The following GYS2 variants were observed in gnomAD, a reference collection of about 807,000 sequenced individuals.
The protein encoded by GYS2 is glycogen synthase 2.
In GYS2, 80 loss-of-function variants were observed where a neutral mutation model predicts 85.6. The ratio of observed to expected loss-of-function variants is 0.93; its 90% CI spans 0.78 to 1.13. The LOEUF is 1.13. Among genes scored for constraint, GYS2 ranks in the 50% most tolerant of loss-of-function variants. GYS2 has a pLI of 0.00. For synonymous variants in GYS2, 328 were observed against 300.7 expected, an observed-to-expected ratio of 1.09 and a Z score of -0.94; for missense variants, 881 against 854.9, an observed-to-expected ratio of 1.03 and a Z score of -0.38.
At chr12:21,568,775 T>C in intron 5 of GYS2, 90 bp downstream of exon 5, 1 of 1,164,014 alleles carries the variant, frequency 8.6e-7, no homozygotes, top group Non-Finnish European at 1.3e-6. Context: ...CAATTTTTCC[T>C]CAAACTACTA....
intron 4 of GYS2, among the ~76,000 whole-genome samples, chr12:21,571,211 T>G (rs1944381164): frequency 1.3e-5 from 2 of 152,254 alleles, no homozygotes; most frequent in Admixed American, 6.5e-5. Flanking sequence ...CTTTCCCTCC[T>G]CCCATGGGGC....
chr12:21,559,820 AAATTACAG>A, intron 8 of GYS2, 110 bp from the exon 9 acceptor site: 1 of 337,780 alleles, frequency 3.0e-6, no homozygotes, highest in Non-Finnish European at 5.3e-6. Flanking sequence ...ACATTCTTTG[AAATTACAG>A]GTATCTTTTT....
chr12:21,600,579 C>T (rs929578810), intron 1 of GYS2, among the ~76,000 whole-genome samples: 1 of 152,000 alleles, frequency 6.6e-6, no homozygotes, highest in Non-Finnish European at 1.5e-5. Flanking sequence ...TCTGTGTTAA[C>T]AAAAAACAGC....
At position 21,604,664 on chromosome 12, in the gene GYS2, T is replaced by TA; in HGVS notation, c.-73dup. On this transcript the variant is annotated 5_prime_UTR_variant, in exon 1 of 16. It introduces an in-frame stop codon into an upstream open reading frame of the 5' UTR. Transcript: ENST00000261195. ...GTTGTAATCCCAGGAGAAGAGAACTTACAGGCACAAAAGTTAGAGTTGGTA... is the reference window on the plus strand; with the variant it reads ...GTTGTAATCCCAGGAGAAGAGAACTTAACAGGCACAAAAGTTAGAGTTGGTA... The TA allele has an allele frequency of 6.2e-7, 1 of 1,604,482 alleles. No homozygotes were observed. Among genetic ancestry groups the TA allele is most frequent in the Non-Finnish European group, 8.5e-7 (1 of 1,173,918 alleles).
chr12:21,559,746 A>G (rs1439871353), intron 8 of GYS2, 36 bp from the exon 9 acceptor site: 3 of 1,246,736 alleles, frequency 2.4e-6, no homozygotes, highest in Non-Finnish European at 2.4e-6. Flanking sequence ...TTTAAACAGT[A>G]TGACAATGTT....
intron 1 of GYS2, among the ~76,000 whole-genome samples, chr12:21,599,721 A>G (rs1302244708): frequency 6.6e-6 from 1 of 152,208 alleles, no homozygotes; most frequent in Non-Finnish European, 1.5e-5. Flanking sequence ...TTGAAGTAAC[A>G]TTGATGTATA....
At chr12:21,582,879 A>T (rs1944528576) in intron 1 of GYS2, among the ~76,000 whole-genome samples, 1 of 152,186 alleles carries the variant, frequency 6.6e-6, no homozygotes, top group Admixed American at 6.5e-5. Flanking sequence ...AATGCATTTG[A>T]CACTCTTGAT....
rs1469785632 is a variant in GYS2 at position 21,558,256 on chromosome 12, T to TG, written c.1365dup (p.Ile456HisfsTer6). On this transcript the variant is annotated frameshift_variant, in exon 11 of 16. Coordinates refer to ENST00000261195, the MANE Select transcript of GYS2 (RefSeq NM_021957.4). LOFTEE classifies it high-confidence loss of function. ...CCAATCCGTCTAATGGTGCTGAGGA[T>TG]GGGGTCGGTGGAGTCATCAATCATG... is the stretch of plus-strand genomic sequence containing the variant. The TG allele has an allele frequency of 1.2e-6, 2 of 1,614,032 alleles. No homozygotes were observed. The highest frequency in any genetic ancestry group is 1.7e-6 in the Non-Finnish European group (2 of 1,179,932).
At chr12:21,540,376 A>G in intron 14 of GYS2, 34 bp downstream of exon 14, 1 of 1,577,430 alleles carries the variant, frequency 6.3e-7, no homozygotes, top group Non-Finnish European at 8.7e-7. Context: ...GGAATTTTTT[A>G]AGTGGTCTGC....
chr12:21,575,227 G>C, intron 3 of GYS2, among the ~76,000 whole-genome samples: 1 of 152,182 alleles, frequency 6.6e-6, no homozygotes, highest in East Asian at 1.9e-4. Context: ...TCAAATAGCA[G>C]CTTTGTAACA....
At chr12:21,580,084 T>C (rs1944491902) in intron 2 of GYS2, among the ~76,000 whole-genome samples, 1 of 152,220 alleles carries the variant, frequency 6.6e-6, no homozygotes, top group African/African-American at 2.4e-5. Context: ...ATGACTTCAG[T>C]TTATGTACAA....
chr12:21,602,261 C>A (rs1020895702), intron 1 of GYS2, among the ~76,000 whole-genome samples: 10 of 151,982 alleles, frequency 6.6e-5, no homozygotes, highest in African/African-American at 2.4e-4. Context: ...TTAATTCTTA[C>A]ATAATAGTAA....
chr12:21,543,331 T>A (rs1348574967), intron 12 of GYS2, among the ~76,000 whole-genome samples: 1 of 152,156 alleles, frequency 6.6e-6, no homozygotes, highest in Non-Finnish European at 1.5e-5. Flanking sequence ...GCTCTGCAAA[T>A]GTTTCCTCTT....
intron 1 of GYS2, among the ~76,000 whole-genome samples, chr12:21,591,882 C>A (rs778199020): frequency 6.6e-6 from 1 of 151,992 alleles, no homozygotes; most frequent in Non-Finnish European, 1.5e-5. Context: ...GGATGTTATA[C>A]CCAGCAACAT....
chr12:21,539,883 C>T (rs1305631424), intron 14 of GYS2, among the ~76,000 whole-genome samples: 1 of 152,196 alleles, frequency 6.6e-6, no homozygotes, highest in Non-Finnish European at 1.5e-5. Context: ...CAAACAGACA[C>T]ATTATGTGAA....
In GYS2 at chr12:21,604,789, C is replaced by T. The variant is rs1944789136; in HGVS notation, c.-197G>A. 9 of 1,369,830 alleles carry T rather than the reference C, an allele frequency of 6.6e-6. No homozygotes were observed. The highest frequency in any genetic ancestry group is 8.5e-6 in the Non-Finnish European group (9 of 1,054,962). 84.9% of individuals were successfully genotyped at this position (1,369,830 alleles called of 1,614,324 possible). On this transcript the variant is annotated 5_prime_UTR_variant, in exon 1 of 16. Transcript: ENST00000261195. The stretch of plus-strand genomic sequence containing the variant: ...CCTGGTGGAAGGAGGAATTCTTCCT[C>T]CTCTTTCTCGTCTTTCTGGGCAGGT...
At chr12:21,580,874 G>A (rs1206905865) in intron 1 of GYS2, among the ~76,000 whole-genome samples, 1 of 152,106 alleles carries the variant, frequency 6.6e-6, no homozygotes, top group Non-Finnish European at 1.5e-5. Context: ...TCAAAGTTAG[G>A]ACAAATACCC....
At position 21,565,227 on chromosome 12, in the gene GYS2, T is replaced by A. The variant is rs527601450; in HGVS notation, c.824-1882A>T. 3.3e-5 allele frequency among the ~76,000 whole-genome samples: 5 copies of A among 151,148 alleles called. No homozygotes were observed. The East Asian group carries it at 9.7e-4, about 29-fold the overall frequency. On this transcript the variant is annotated intron_variant, in intron 5 of 15. Transcript: ENST00000261195. ...GCTGGTAAAATTTAACAAAGAGTAC[T>A]CCAGGAAAAAGAGAGAAAAAGAGAG...
chr12:21,564,030 G>A (rs11046121), intron 5 of GYS2, among the ~76,000 whole-genome samples: 4,491 of 152,222 alleles, frequency 0.03, 125 homozygotes, highest in Non-Finnish European at 0.04. Context: ...GCTCAGGCAG[G>A]AAGACATTCT....
Sources: allele counts gnomAD v4.1 joint callset (sites outside exome capture counted in the v4.1 genomes callset), GRCh38; gene constraint gnomAD v4.1.1; transcripts MANE v1.5; gene names NCBI Gene and HGNC (gene_info 2026-07-23, HGNC 2026-07-21).